Variants in PTPRN2 observed in about 807,000 individuals in gnomAD.
PTPRN2 encodes the protein receptor-type tyrosine-protein phosphatase N2.
A neutral mutation model predicts 118.8 loss-of-function variants in PTPRN2; 74 were observed. The observed-to-expected ratio is 0.62, with a 90% confidence interval of 0.52 to 0.76. The LOEUF (loss-of-function observed/expected upper bound fraction) is 0.76, where lower values mean the gene tolerates loss of function less well. PTPRN2 is among the 30% of genes least tolerant of loss of function. PTPRN2 has a pLI of 0.00. For missense variants in PTPRN2, 1,481 were observed against 1,394.4 expected (o/e 1.06, Z -0.99); for synonymous variants, 641 against 608.0 (o/e 1.05, Z -0.80).
chr7:158,171,282 T>TATATACACAC (rs1563555395), intron 5 of PTPRN2, among the ~76,000 whole-genome samples: 3,547 of 19,218 alleles, frequency 0.18, 437 homozygotes, highest in Admixed American at 0.23. Context: ...TATACACACA[T>TATATACACAC]ATATATACAC....
intron 11 of PTPRN2, among the ~76,000 whole-genome samples, chr7:157,997,413 G>A (rs1804837254): frequency 6.6e-6 from 1 of 152,228 alleles, no homozygotes; most frequent in South Asian, 2.1e-4. Flanking sequence ...ACAGGGGGCT[G>A]CTCTTTCCAT....
At chr7:157,783,451 C>T (rs1803810426) in intron 12 of PTPRN2, among the ~76,000 whole-genome samples, 1 of 150,728 alleles carries the variant, frequency 6.6e-6, no homozygotes, top group East Asian at 2.0e-4. Context: ...TGATGTTCCT[C>T]GGCACTGCTG....
At chr7:157,917,762 A>G (rs971493664) in intron 11 of PTPRN2, among the ~76,000 whole-genome samples, 11 of 152,328 alleles carry the variant, frequency 7.2e-5, no homozygotes, top group Non-Finnish European at 1.6e-4. Context: ...ATGTTCAATA[A>G]AAGTGACAAG....
At chr7:158,164,362 C>T (rs1441664977) in intron 6 of PTPRN2, among the ~76,000 whole-genome samples, 3 of 35,606 alleles carry the variant, frequency 8.4e-5, no homozygotes, top group Non-Finnish European at 1.5e-4. Context: ...AAGAAGGGCA[C>T]GCAGAGCAGG....
rs751982512 is a variant in PTPRN2 at position 158,326,773 on chromosome 7, TCACACACTCACATG to T, written c.164-9855_164-9842del. Among the ~76,000 whole-genome samples the T allele has an allele frequency of 2.4e-4, 29 of 119,466 alleles. 2 individuals are homozygous for T. Among genetic ancestry groups the T allele is most frequent in the Non-Finnish European group, 4.7e-4 (25 of 52,942 alleles). 78.4% of individuals were successfully genotyped at this position (119,466 alleles called of 152,430 possible). ...TCTCACATGCACGTTTCACACATGC[TCACACACTCACATG>T]CACACACATGCACATTCTCACACAT... On this transcript the variant is annotated intron_variant, in intron 2 of 22. Coordinates refer to ENST00000389418, the MANE Select transcript of PTPRN2 (RefSeq NM_002847.5).
chr7:157,970,640 C>A (rs1225350739), intron 11 of PTPRN2, among the ~76,000 whole-genome samples: 2 of 150,024 alleles, frequency 1.3e-5, no homozygotes, highest in African/African-American at 4.9e-5. Context: ...GAGCGGACCC[C>A]CCCCCCCACA....
chr7:158,037,406 C>T (rs1808161030), intron 11 of PTPRN2, among the ~76,000 whole-genome samples: 1 of 152,176 alleles, frequency 6.6e-6, no homozygotes, highest in African/African-American at 2.4e-5. Flanking sequence ...CTGGCACAGC[C>T]CACTGCACAC....
In PTPRN2 at chr7:157,825,304, C is replaced by G. The variant is rs188871930; in HGVS notation, c.1788+73369G>C. 9.6e-4 allele frequency among the ~76,000 whole-genome samples: 146 copies of G among 152,196 alleles called. 1 individual carries two copies. Among genetic ancestry groups the G allele is most frequent in the African/African-American group, 3.4e-3 (141 of 41,510 alleles). ...GAGACCTGGATGGTGGGATCTCCAG[C>G]AGCCATCTGGGATCATGAGGAGCAG... On this transcript the variant is annotated intron_variant, in intron 12 of 22. Transcript: ENST00000389418.
intron 13 of PTPRN2, among the ~76,000 whole-genome samples, chr7:157,662,416 C>A (rs1456501313): frequency 6.6e-6 from 1 of 152,218 alleles, no homozygotes; most frequent in Non-Finnish European, 1.5e-5. Flanking sequence ...CGGGCCCTGA[C>A]CCCCGAGCAC....
intron 1 of PTPRN2, among the ~76,000 whole-genome samples, chr7:158,493,266 C>G (rs112189234): frequency 1.6e-4 from 24 of 152,378 alleles, no homozygotes; most frequent in African/African-American, 5.3e-4. Flanking sequence ...AGCATGTGCA[C>G]ACATATACAT....
At chr7:157,798,501 AGACACACACG>A (rs1805016104) in intron 12 of PTPRN2, among the ~76,000 whole-genome samples, 1 of 151,888 alleles carries the variant, frequency 6.6e-6, no homozygotes, top group African/African-American at 2.4e-5. Context: ...CCACACACAC[AGACACACACG>A]GACACACACA....
intron 11 of PTPRN2, among the ~76,000 whole-genome samples, chr7:157,930,090 A>G (rs140041577): frequency 6.7e-4 from 102 of 152,152 alleles, no homozygotes; most frequent in South Asian, 1.2e-3. Context: ...TCACATCACA[A>G]ATGCAATTTA....
intron 16 of PTPRN2, 67 bp from the exon 17 acceptor site, chr7:157,595,382 T>TTAGGAAGCCA (rs1801236056): frequency 7.2e-7 from 1 of 1,396,942 alleles, no homozygotes; most frequent in African/African-American, 1.9e-5. Context: ...TTAGGAAGCC[T>TTAGGAAGCCA]GGAGGTTAGG....
chr7:157,755,764 A>T (rs552123350), intron 12 of PTPRN2, among the ~76,000 whole-genome samples: 54 of 152,264 alleles, frequency 3.5e-4, no homozygotes, highest in Non-Finnish European at 4.9e-4. Context: ...GAGTGAAAAA[A>T]AACCACCCCT....
chr7:158,160,106 G>A (rs1822223919), intron 6 of PTPRN2, among the ~76,000 whole-genome samples: 1 of 152,194 alleles, frequency 6.6e-6, no homozygotes, highest in African/African-American at 2.4e-5. Flanking sequence ...ATAACTTAAG[G>A]AGTTGTGTGT....
chr7:157,925,487 C>A (rs1406218864), intron 11 of PTPRN2, among the ~76,000 whole-genome samples: 1 of 152,226 alleles, frequency 6.6e-6, no homozygotes, highest in Non-Finnish European at 1.5e-5. Flanking sequence ...TTCATGGGTT[C>A]ACCTTCCTCG....
intron 2 of PTPRN2, among the ~76,000 whole-genome samples, 179 bp from the exon 3 acceptor site, chr7:158,317,111 A>G (rs775302076): frequency 1.3e-5 from 2 of 152,212 alleles, no homozygotes; most frequent in Non-Finnish European, 2.9e-5. Flanking sequence ...TTTGTGAGAT[A>G]AAAACCGAGC....
intron 12 of PTPRN2, among the ~76,000 whole-genome samples, chr7:157,706,094 C>A (rs1040022438): frequency 6.6e-6 from 1 of 151,782 alleles, no homozygotes; most frequent in Non-Finnish European, 1.5e-5. Context: ...GTCCCAGGTG[C>A]CTTCCGGATT....
At chr7:158,484,066 AC>A (rs1820824644) in intron 2 of PTPRN2, among the ~76,000 whole-genome samples, 1 of 152,156 alleles carries the variant, frequency 6.6e-6, no homozygotes, top group Non-Finnish European at 1.5e-5. Flanking sequence ...ATTACTTGAG[AC>A]TAGGAGTTCA....
Sources: gnomAD v4.1 joint callset for allele counts (sites outside exome capture counted in the v4.1 genomes callset) on GRCh38, gnomAD v4.1.1 for gene constraint, MANE v1.5 for transcripts, NCBI Gene and HGNC (gene_info 2026-07-23, HGNC 2026-07-21) for gene names.